Variants in GLI2 observed in about 807,000 individuals in gnomAD.
GLI2 encodes the protein transcription activator GLI2.
GLI2 carries 22 observed loss-of-function variants against 78.9 expected under a neutral mutation model. That is an observed-to-expected ratio of 0.28 (90% CI 0.20 to 0.40). GLI2 has a LOEUF of 0.40. GLI2 is among the 10% of genes least tolerant of loss of function. The pLI is 1.00. For missense variants in GLI2, 2,097 were observed against 2,213.2 expected, an observed-to-expected ratio of 0.95 and a Z score of 1.05; for synonymous variants, 974 against 963.7, an observed-to-expected ratio of 1.01 and a Z score of -0.20.
Position 120,797,333 on chromosome 2 carries a change from G to A in GLI2, c.13G>A (p.Ala5Thr), listed in dbSNP as rs745963460. ...ATGAGCGGCTGAGATGGAGACGTCT[G>A]CCTCAGCCACTGCCTCCGAGAAGCA... The part of the protein sequence containing the change: METS[A>T]SATASEKQEA... The change falls in exon 2 of 14, where the codon GCC becomes ACC. Residue 5 changes from alanine (A) to threonine (T), a missense_variant. Physicochemically the swap from Ala to Thr is moderately conservative, Grantham distance 58. Around this residue, in one of 5 missense-constraint regions of GLI2, gnomAD observed 578 missense variants for 612.0 expected, o/e 0.94. Transcript: ENST00000361492. The A allele has an allele frequency of 1.2e-6, 2 of 1,614,052 alleles. No homozygotes were observed. The highest frequency in any genetic ancestry group is 1.7e-6 in the Non-Finnish European group (2 of 1,179,988).
intron 2 of GLI2, among the ~76,000 whole-genome samples, chr2:120,821,750 C>T (rs575823416): frequency 1.6e-4 from 24 of 152,316 alleles, no homozygotes; most frequent in South Asian, 1.5e-3. Context: ...CAGTGCTTTA[C>T]GAGGTTGCCT....
At chr2:120,855,250 T>C (rs1687591831) in intron 2 of GLI2, among the ~76,000 whole-genome samples, 1 of 152,224 alleles carries the variant, frequency 6.6e-6, no homozygotes, top group Non-Finnish European at 1.5e-5. Context: ...CAGAGGGCTT[T>C]CCGGCTGCAC....
At chr2:120,860,468 TC>T (rs1687853761) in intron 2 of GLI2, among the ~76,000 whole-genome samples, 1 of 152,120 alleles carries the variant, frequency 6.6e-6, no homozygotes, top group Non-Finnish European at 1.5e-5. Flanking sequence ...TTGCAGAAGC[TC>T]AGAGGGCCCC....
intron 2 of GLI2, among the ~76,000 whole-genome samples, chr2:120,889,712 A>G (rs1192557393): frequency 6.6e-6 from 1 of 152,266 alleles, no homozygotes; most frequent in Admixed American, 6.5e-5. Flanking sequence ...TAAATGGCCA[A>G]TAAGCACATG....
chr2:120,961,686 C>T (rs1681571026), intron 5 of GLI2, among the ~76,000 whole-genome samples: 1 of 152,168 alleles, frequency 6.6e-6, no homozygotes, highest in Non-Finnish European at 1.5e-5. Context: ...CATTAAGGTC[C>T]TCAGGTCAGA....
chr2:120,968,608 A>G, intron 5 of GLI2, 106 bp from the exon 6 acceptor site: 1 of 876,610 alleles, frequency 1.1e-6, no homozygotes. Context: ...CAAAGCTAGG[A>G]TTCCCATTAG....
intron 2 of GLI2, among the ~76,000 whole-genome samples, chr2:120,894,615 G>C (rs529681262): frequency 6.6e-6 from 1 of 152,028 alleles, no homozygotes; most frequent in East Asian, 1.9e-4. Context: ...CCCTTGGGGG[G>C]GGGTACCAGT....
At chr2:120,974,795 TG>T (rs1466582416) in intron 8 of GLI2, 179 bp from the exon 9 acceptor site, 18 of 789,902 alleles carry the variant, frequency 2.3e-5, no homozygotes, top group Admixed American at 5.7e-5. Context: ...TGTGTGTGTG[TG>T]TGTGTGTCTG....
rs182956168 is a variant in GLI2, at chr2:120,828,965, G to A, written c.148+31497G>A. Among the ~76,000 whole-genome samples, 7 of 151,722 alleles carry A rather than the reference G, an allele frequency of 4.6e-5. No individual in the cohort carries two copies. In the East Asian group the frequency reaches 1.2e-3, roughly 25 times the overall value. The stretch of plus-strand genomic sequence containing the variant: ...GAAGCTAGGCCCAGGGCTCTTGGAA[G>A]AAACACACAGCACTTGCTCCTGCAC... On this transcript the variant is annotated intron_variant, in intron 2 of 13. Coordinates refer to ENST00000361492, the MANE Select transcript of GLI2 (RefSeq NM_001374353.1).
intron 2 of GLI2, among the ~76,000 whole-genome samples, chr2:120,900,571 C>T (rs1456889767): frequency 3.9e-5 from 6 of 152,168 alleles, no homozygotes; most frequent in Admixed American, 6.5e-5. Flanking sequence ...TGCACCCTAG[C>T]GATGTTAACC....
At chr2:120,806,914 A>G (rs1309480939) in intron 2 of GLI2, among the ~76,000 whole-genome samples, 3 of 152,238 alleles carry the variant, frequency 2.0e-5, no homozygotes, top group African/African-American at 7.2e-5. Context: ...TGGTTCCCCC[A>G]TGGAGAAACC....
intron 2 of GLI2, among the ~76,000 whole-genome samples, chr2:120,886,218 A>T (rs1170969746): frequency 1.1e-5 from 1 of 95,170 alleles, no homozygotes; most frequent in South Asian, 4.2e-4. Context: ...GTGCGTGTAT[A>T]TTTTGGTTTT....
intron 2 of GLI2, among the ~76,000 whole-genome samples, chr2:120,890,082 G>C (rs1677606001): frequency 6.6e-6 from 1 of 152,206 alleles, no homozygotes; most frequent in African/African-American, 2.4e-5. Context: ...TGGTCGAGTG[G>C]TTAGACAAAC....
intron 2 of GLI2, among the ~76,000 whole-genome samples, chr2:120,798,113 A>G (rs1684494377): frequency 6.6e-6 from 1 of 151,948 alleles, no homozygotes; most frequent in Non-Finnish European, 1.5e-5. Context: ...CCACAGAACT[A>G]TTTCTGTCTC....
intron 1 of GLI2, among the ~76,000 whole-genome samples, chr2:120,781,482 G>A (rs1466664415): frequency 1.3e-5 from 2 of 152,160 alleles, no homozygotes; most frequent in Non-Finnish European, 1.5e-5. Context: ...ACCCTCTTTC[G>A]CTTCGGGTCA....
At chr2:120,749,481 G>A (rs1682801108) in intron 1 of GLI2, among the ~76,000 whole-genome samples, 1 of 152,196 alleles carries the variant, frequency 6.6e-6, no homozygotes, top group African/African-American at 2.4e-5. Context: ...TGGGAGGCAG[G>A]ATGTTTTGGT....
chr2:120,849,481 CG>C (rs1375182113), intron 2 of GLI2, among the ~76,000 whole-genome samples: 8 of 152,032 alleles, frequency 5.3e-5, no homozygotes, highest in Admixed American at 2.0e-4. Flanking sequence ...ATGATGATGG[CG>C]GCAATTGTGT....
chr2:120,846,777 C>G (rs1469564013), intron 2 of GLI2, among the ~76,000 whole-genome samples: 1 of 152,218 alleles, frequency 6.6e-6, no homozygotes, highest in Non-Finnish European at 1.5e-5. Context: ...CCCTGAGATT[C>G]TCTTTTTTCA....
intron 2 of GLI2, among the ~76,000 whole-genome samples, chr2:120,909,594 G>A (rs1678712355): frequency 6.6e-6 from 1 of 152,186 alleles, no homozygotes; most frequent in African/African-American, 2.4e-5. Flanking sequence ...GGCCGGGCGT[G>A]GTGGCTCACA....
Sources: allele counts gnomAD v4.1 joint callset (sites outside exome capture counted in the v4.1 genomes callset), GRCh38; gene constraint gnomAD v4.1.1; regional missense constraint gnomAD v4.1.1; transcripts MANE v1.5; gene names NCBI Gene and HGNC (gene_info 2026-07-23, HGNC 2026-07-21).